The following GYPE variants were observed in gnomAD, a reference collection of about 807,000 sequenced individuals.
The protein encoded by GYPE is glycophorin-E.
A neutral mutation model predicts 11.6 loss-of-function variants in GYPE; 8 were observed. The observed-to-expected ratio is 0.69, with a 90% CI of 0.41 to 1.25. The LOEUF (loss-of-function observed/expected upper bound fraction) is 1.25, where lower values mean the gene tolerates loss of function less well. Ranked by LOEUF, GYPE falls within the 50% of genes most tolerant of loss-of-function variation. The pLI, the probability that GYPE is intolerant of heterozygous loss-of-function variation, is 0.01. For missense variants in GYPE, 90 were observed against 92.8 expected, an observed-to-expected ratio of 0.97 and a Z score of 0.12; for synonymous variants, 28 against 29.6, an observed-to-expected ratio of 0.94 and a Z score of 0.18.
chr4:143,879,509 C>T (rs184562481), intron 2 of GYPE, among the ~76,000 whole-genome samples: 389 of 152,154 alleles, frequency 2.6e-3, no homozygotes, highest in Non-Finnish European at 4.6e-3. Flanking sequence ...GATGGGTTTT[C>T]TGTCACAAAA....
chr4:143,897,724 G>T (rs1172699130), intron 1 of GYPE, among the ~76,000 whole-genome samples: 1 of 152,048 alleles, frequency 6.6e-6, no homozygotes, highest in East Asian at 1.9e-4. Flanking sequence ...TGCACTCACG[G>T]CCTGCACAAG....
In GYPE at chr4:143,876,847, G is replaced by C; in HGVS notation, c.145C>G (p.Leu49Val). The stretch of plus-strand genomic sequence containing the variant: ...CGAGCCATCGCCCACCAATTAATGA[G>C]TGTTATCCCTACAGGAGATAAAGAG... ...YISSQTNGIT[L>V]INWWAMARVI... Residue 49 changes from leucine (L) to valine (V), a missense_variant, in exon 3 of 4, where the codon CTC becomes GTC. By Grantham distance (32) the Leu-to-Val change is conservative (BLOSUM62 1). Transcript: ENST00000358615. The C allele has an allele frequency of 6.3e-7, 1 of 1,598,672 alleles. No homozygotes were observed. Among genetic ancestry groups the C allele is most frequent in the Non-Finnish European group, 8.6e-7 (1 of 1,166,698 alleles).
chr4:143,894,807 T>C (rs1224324504), intron 1 of GYPE, among the ~76,000 whole-genome samples: 2 of 152,008 alleles, frequency 1.3e-5, no homozygotes, highest in Non-Finnish European at 2.9e-5. Context: ...TTATCCACCA[T>C]GATCAAGTGG....
At chr4:143,874,352 A>G (rs1341071864) in intron 3 of GYPE, among the ~76,000 whole-genome samples, 1 of 152,234 alleles carries the variant, frequency 6.6e-6, no homozygotes, top group East Asian at 1.9e-4. Flanking sequence ...GCAATCTTTT[A>G]AACATGCAAC....
At chr4:143,891,304 A>G (rs965553765) in intron 1 of GYPE, among the ~76,000 whole-genome samples, 1 of 144,632 alleles carries the variant, frequency 6.9e-6, no homozygotes, top group African/African-American at 2.5e-5. Context: ...ACATGTTATT[A>G]TTATTATTTT....
At chr4:143,894,327 G>A (rs547031165) in intron 1 of GYPE, among the ~76,000 whole-genome samples, 25 of 152,252 alleles carry the variant, frequency 1.6e-4, no homozygotes, top group African/African-American at 4.3e-4. Flanking sequence ...GTCATTATCC[G>A]TCCAGCTTTG....
intron 1 of GYPE, among the ~76,000 whole-genome samples, chr4:143,894,622 G>GAA (rs2149913499): frequency 6.6e-6 from 1 of 152,186 alleles, no homozygotes; most frequent in Admixed American, 6.5e-5. Context: ...CCAATCAATA[G>GAA]AAAAAGAGGG....
intron 2 of GYPE, chr4:143,878,747 G>A (rs1395425759): frequency 2.0e-5 from 9 of 455,794 alleles, no homozygotes; most frequent in Admixed American, 5.3e-5. Context: ...TTTTGGAATC[G>A]AACTGTTCTG....
chr4:143,885,468 A>T (rs4498095), intron 1 of GYPE, among the ~76,000 whole-genome samples: 103,711 of 151,766 alleles, frequency 0.68, 35,734 homozygotes, highest in East Asian at 0.95. Flanking sequence ...TCACAGTAAA[A>T]GAGCACTTGG....
At position 143,870,977 on chromosome 4, in the gene GYPE, G is replaced by C. The variant is rs1358491362; in HGVS notation, c.*1285C>G. 6 of 151,878 alleles carry C rather than the reference G, an allele frequency of 4.0e-5. No individual in the cohort carries two copies. The highest frequency in any genetic ancestry group is 1.5e-4 in the African/African-American group (6 of 41,214). 9.4% of individuals were successfully genotyped at this position (151,878 alleles called of 1,614,324 possible). A position where few individuals can be genotyped will look rare whatever the true frequency, so the allele number is the denominator to read the frequency against. ...GAAACAAACACATCTTTCTTACATAGTGGCAGGAAGGAGAAGAATGAGAGC... is the reference window on the plus strand; with the variant it reads ...GAAACAAACACATCTTTCTTACATACTGGCAGGAAGGAGAAGAATGAGAGC... On this transcript the variant is annotated 3_prime_UTR_variant, in exon 4 of 4. Transcript: ENST00000358615.
At chr4:143,897,131 C>T (rs113933965) in intron 1 of GYPE, among the ~76,000 whole-genome samples, 1 of 152,022 alleles carries the variant, frequency 6.6e-6, no homozygotes, top group Non-Finnish European at 1.5e-5. Context: ...ACATTGTGCA[C>T]ATGTACCCTA....
intron 1 of GYPE, among the ~76,000 whole-genome samples, chr4:143,888,209 A>T (rs1744279808): frequency 1.2e-5 from 1 of 84,112 alleles, no homozygotes; most frequent in Non-Finnish European, 2.4e-5. Context: ...TTTCCCAAAT[A>T]ATTGACATTT....
intron 1 of GYPE, among the ~76,000 whole-genome samples, chr4:143,898,405 C>T (rs11944307): frequency 0.93 from 141,044 of 152,084 alleles, 66,360 homozygotes; most frequent in East Asian, 1. Context: ...ACATATAAAA[C>T]CAAACAGGAA....
chr4:143,902,713 T>C (rs1744916474), intron 1 of GYPE, among the ~76,000 whole-genome samples: 1 of 152,066 alleles, frequency 6.6e-6, no homozygotes, highest in Admixed American at 6.6e-5. Context: ...AATCGGGAAC[T>C]GTGCTAGATT....
intron 1 of GYPE, among the ~76,000 whole-genome samples, chr4:143,895,204 G>C (rs576210176): frequency 1.6e-3 from 240 of 152,268 alleles, no homozygotes; most frequent in Middle Eastern, 6.8e-3. Context: ...TAGGAAAAGA[G>C]GAAGTCAAAT....
At chr4:143,893,961 A>T (rs1189902976) in intron 1 of GYPE, among the ~76,000 whole-genome samples, 1 of 152,066 alleles carries the variant, frequency 6.6e-6, no homozygotes, top group Admixed American at 6.5e-5. Flanking sequence ...TAAGATGCAG[A>T]TTTGGTCTTT....
chr4:143,894,220 T>G (rs1744531165), intron 1 of GYPE, among the ~76,000 whole-genome samples: 1 of 151,370 alleles, frequency 6.6e-6, no homozygotes, highest in South Asian at 2.1e-4. Flanking sequence ...TCTAAACTTT[T>G]TTCAAAGTTT....
At chr4:143,904,932 C>A (rs771361384) in intron 1 of GYPE, among the ~76,000 whole-genome samples, 101 of 152,122 alleles carry the variant, frequency 6.6e-4, no homozygotes, top group Non-Finnish European at 9.6e-4. Flanking sequence ...ATTCACATGA[C>A]ATCTAAGCCA....
In GYPE at chr4:143,904,792, G is replaced by A. The variant is rs1744999179; in HGVS notation, c.37+679C>T. ...TTTAACTATAATATTCTCAGAAAGA[G>A]GCCAAAATCATGTTTATTTAATACA... is the stretch of plus-strand genomic sequence containing the variant. On this transcript the variant is annotated intron_variant, in intron 1 of 3. Transcript: ENST00000358615. Among the ~76,000 whole-genome samples the A allele has an allele frequency of 3.3e-5, 5 of 152,054 alleles. 1 individual carries two copies. The highest frequency in any genetic ancestry group is 1.9e-4 in the East Asian group (1 of 5,182).
Sources: gnomAD v4.1 joint callset for allele counts (sites outside exome capture counted in the v4.1 genomes callset) on GRCh38, gnomAD v4.1.1 for gene constraint, MANE v1.5 for transcripts, NCBI Gene and HGNC (gene_info 2026-07-23, HGNC 2026-07-21) for gene names.